Variants in MYO3B observed in about 807,000 individuals in gnomAD.
The protein encoded by MYO3B is myosin-IIIb.
MYO3B carries 156 observed loss-of-function variants against 174.6 expected under a neutral mutation model. The observed-to-expected ratio is 0.89, with a 90% CI of 0.78 to 1.02. The LOEUF is 1.02. MYO3B is among the 50% of genes least tolerant of loss of function. The pLI, the probability that MYO3B is intolerant of heterozygous loss-of-function variation, is 0.00. For missense variants in MYO3B, 1,632 were observed against 1,639.4 expected, an observed-to-expected ratio of 1.00 and a Z score of 0.08; for synonymous variants, 563 against 569.1, an observed-to-expected ratio of 0.99 and a Z score of 0.15.
intron 7 of MYO3B, among the ~76,000 whole-genome samples, chr2:170,320,004 C>A (rs545555049): frequency 4.6e-5 from 7 of 152,198 alleles, no homozygotes; most frequent in African/African-American, 1.7e-4. Flanking sequence ...CTAGCCAACC[C>A]GCCTTACAAG....
intron 6 of MYO3B, among the ~76,000 whole-genome samples, chr2:170,230,336 A>ATTCTTT (rs2093000985): frequency 1.5e-5 from 1 of 64,706 alleles, no homozygotes; most frequent in Non-Finnish European, 2.6e-5. Flanking sequence ...CGCCTGGCTA[A>ATTCTTT]TTTTTTTTTT....
chr2:170,198,831 G>C (rs1004960750), intron 1 of MYO3B, among the ~76,000 whole-genome samples: 1 of 129,070 alleles, frequency 7.7e-6, no homozygotes, highest in East Asian at 2.4e-4. Context: ...TAGGGACAAA[G>C]ATGTTAGACT....
chr2:170,503,406 G>C (rs1429224324), intron 28 of MYO3B, among the ~76,000 whole-genome samples: 1 of 151,506 alleles, frequency 6.6e-6, no homozygotes, highest in South Asian at 2.1e-4. Context: ...ACCATGGAAG[G>C]ATAATGTTGC....
chr2:170,192,142 A>T (rs973099339), intron 1 of MYO3B, among the ~76,000 whole-genome samples: 1 of 152,138 alleles, frequency 6.6e-6, no homozygotes, highest in Non-Finnish European at 1.5e-5. Context: ...CCTGGAAAAC[A>T]TAAATAGCAT....
At chr2:170,435,604 T>A (rs2094747717) in intron 22 of MYO3B, among the ~76,000 whole-genome samples, 1 of 152,224 alleles carries the variant, frequency 6.6e-6, no homozygotes, top group Admixed American at 6.5e-5. Flanking sequence ...TACTGCGATA[T>A]AACTTAATCT....
At chr2:170,629,597 C>T (rs184161431) in intron 32 of MYO3B, among the ~76,000 whole-genome samples, 1 of 152,144 alleles carries the variant, frequency 6.6e-6, no homozygotes, top group African/African-American at 2.4e-5. Flanking sequence ...CACCTGTAAT[C>T]CTAACACTTT....
chr2:170,576,256 C>T (rs1331989510), intron 32 of MYO3B, among the ~76,000 whole-genome samples: 1 of 152,130 alleles, frequency 6.6e-6, no homozygotes, highest in Non-Finnish European at 1.5e-5. Flanking sequence ...GATGAGGGGC[C>T]TCATATAGTT....
chr2:170,479,945 A>G (rs888830565), intron 25 of MYO3B, among the ~76,000 whole-genome samples: 26 of 148,752 alleles, frequency 1.7e-4, no homozygotes, highest in Non-Finnish European at 3.4e-4. Flanking sequence ...TTAAACCTAT[A>G]AAACCATATA....
intron 23 of MYO3B, among the ~76,000 whole-genome samples, chr2:170,451,111 A>G (rs1477246915): frequency 6.6e-6 from 1 of 152,252 alleles, no homozygotes; most frequent in African/African-American, 2.4e-5. Flanking sequence ...ATGCCTTCTT[A>G]TAATTTCCCA....
chr2:170,486,674 CA>C (rs565409153), intron 25 of MYO3B, among the ~76,000 whole-genome samples: 22 of 152,292 alleles, frequency 1.4e-4, no homozygotes, highest in Admixed American at 6.5e-4. Context: ...AAGGGTCATC[CA>C]GTCCAACTAC....
intron 30 of MYO3B, among the ~76,000 whole-genome samples, chr2:170,527,670 T>A (rs906169627): frequency 6.6e-6 from 1 of 152,188 alleles, no homozygotes; most frequent in African/African-American, 2.4e-5. Context: ...CCAAACTGCC[T>A]CTGTTCTGGC....
At chr2:170,288,146 CAG>C (rs1267892555) in intron 7 of MYO3B, among the ~76,000 whole-genome samples, 1 of 151,922 alleles carries the variant, frequency 6.6e-6, no homozygotes, top group African/African-American at 2.4e-5. Flanking sequence ...ATTTTGAAGT[CAG>C]AGAGTGTGGT....
At chr2:170,253,779 T>C (rs546024751) in intron 7 of MYO3B, among the ~76,000 whole-genome samples, 10 of 150,150 alleles carry the variant, frequency 6.7e-5, no homozygotes, top group Admixed American at 2.7e-4. Context: ...GAGTAAATGA[T>C]CAACTGTATC....
At chr2:170,476,757 T>C (rs369445369) in intron 25 of MYO3B, among the ~76,000 whole-genome samples, 6 of 152,186 alleles carry the variant, frequency 3.9e-5, no homozygotes, top group Admixed American at 2.0e-4. Flanking sequence ...CAGGAATACC[T>C]GTCCTTATTT....
At chr2:170,476,692 TG>T (rs1261524220) in intron 25 of MYO3B, among the ~76,000 whole-genome samples, 1 of 151,986 alleles carries the variant, frequency 6.6e-6, no homozygotes, top group African/African-American at 2.4e-5. Flanking sequence ...GTGGTTTGTA[TG>T]GGTGCAAAAT....
chr2:170,564,329 C>G (rs1691925595), intron 32 of MYO3B, among the ~76,000 whole-genome samples: 2 of 152,060 alleles, frequency 1.3e-5, no homozygotes, highest in Admixed American at 6.6e-5. Flanking sequence ...AAAAATTAGC[C>G]AGGTGTGATG....
intron 25 of MYO3B, among the ~76,000 whole-genome samples, chr2:170,481,795 A>G (rs1685704345): frequency 6.6e-6 from 1 of 152,142 alleles, no homozygotes. Context: ...CTCTCCTTGC[A>G]TACTATCGTT....
chr2:170,430,759 C>A (rs2094702423), intron 22 of MYO3B, among the ~76,000 whole-genome samples: 1 of 152,036 alleles, frequency 6.6e-6, no homozygotes, highest in Admixed American at 6.5e-5. Context: ...GATTAAGTAT[C>A]AGAAGAATAG....
chr2:170,236,595 C>G (rs2093073639), intron 7 of MYO3B, among the ~76,000 whole-genome samples: 1 of 152,158 alleles, frequency 6.6e-6, no homozygotes, highest in African/African-American at 2.4e-5. Context: ...TACTCTCCAT[C>G]CCTTAATTTC....
Sources: allele counts gnomAD v4.1 joint callset (sites outside exome capture counted in the v4.1 genomes callset), GRCh38; gene constraint gnomAD v4.1.1; transcripts MANE v1.5; gene names NCBI Gene and HGNC (gene_info 2026-07-23, HGNC 2026-07-21).